Variants in ASTN2 observed in about 807,000 individuals in gnomAD.
ASTN2 encodes the protein astrotactin 2.
Under a neutral mutation model 139.8 loss-of-function variants are expected in ASTN2, and 54 were observed. The observed-to-expected ratio is 0.39, with a 90% CI of 0.31 to 0.48. ASTN2 has a LOEUF of 0.48. Among genes scored for constraint, ASTN2 ranks in the 20% least tolerant of loss-of-function variants. The pLI is 0.95. For synonymous variants in ASTN2, 756 were observed against 719.5 expected, an observed-to-expected ratio of 1.05 and a Z score of -0.81; for missense variants, 1,565 against 1,725.1, an observed-to-expected ratio of 0.91 and a Z score of 1.64.
intron 16 of ASTN2, among the ~76,000 whole-genome samples, chr9:116,715,698 C>G (rs1035731874): frequency 6.6e-6 from 1 of 152,194 alleles, no homozygotes; most frequent in Non-Finnish European, 1.5e-5. Flanking sequence ...ACCTATTAGT[C>G]TTTCCCATTT....
At chr9:116,593,986 A>ACCTACC (rs1854471977) in intron 19 of ASTN2, among the ~76,000 whole-genome samples, 1 of 152,106 alleles carries the variant, frequency 6.6e-6, no homozygotes, top group South Asian at 2.1e-4. Flanking sequence ...CTGCCCCAAG[A>ACCTACC]CCTACCTCCT....
chr9:117,268,056 A>G (rs909993864), intron 2 of ASTN2, among the ~76,000 whole-genome samples: 5 of 152,188 alleles, frequency 3.3e-5, no homozygotes, highest in African/African-American at 1.2e-4. Flanking sequence ...AAAGCACTGG[A>G]ATAGATTATA....
chr9:116,596,201 T>A (rs1213482100), intron 19 of ASTN2, among the ~76,000 whole-genome samples: 1 of 152,146 alleles, frequency 6.6e-6, no homozygotes, highest in East Asian at 1.9e-4. Context: ...ACTGCCTAAT[T>A]CCACTTATAT....
intron 1 of ASTN2, among the ~76,000 whole-genome samples, chr9:117,331,351 C>A (rs542971083): frequency 6.6e-6 from 1 of 152,244 alleles, no homozygotes; most frequent in Non-Finnish European, 1.5e-5. Context: ...ACCCAGAAAC[C>A]AACACAGAGG....
chr9:117,256,377 C>T (rs578075477), intron 2 of ASTN2, among the ~76,000 whole-genome samples: 2 of 152,276 alleles, frequency 1.3e-5, no homozygotes, highest in South Asian at 2.1e-4. Context: ...AATAAAGGGA[C>T]CTAGTGTTTA....
intron 6 of ASTN2, among the ~76,000 whole-genome samples, chr9:117,023,302 C>T (rs1837946581): frequency 1.3e-5 from 2 of 152,114 alleles, no homozygotes. Flanking sequence ...CCCAGTCTGC[C>T]CCAACCACAT....
intron 19 of ASTN2, among the ~76,000 whole-genome samples, chr9:116,567,056 C>A (rs1314834907): frequency 6.6e-6 from 1 of 152,180 alleles, no homozygotes; most frequent in Non-Finnish European, 1.5e-5. Context: ...ATGAAGGAAC[C>A]AAGGCTGAGA....
chr9:116,678,739 T>C (rs1349476662), intron 16 of ASTN2, among the ~76,000 whole-genome samples: 1 of 152,176 alleles, frequency 6.6e-6, no homozygotes, highest in Non-Finnish European at 1.5e-5. Context: ...ATCATACTCA[T>C]GTGGGGCCAG....
Position 117,008,128 on chromosome 9 carries a change from T to C in ASTN2, c.1555A>G (p.Thr519Ala). Residue 519 changes from threonine to alanine, a missense_variant, in exon 7 of 23, where the codon ACA becomes GCA. Physicochemically the swap from Thr to Ala is moderately conservative, Grantham distance 58. Coordinates refer to ENST00000313400, the MANE Select transcript of ASTN2 (RefSeq NM_001365068.1). ...WVRDLCGQRTTDACEQLCDPE... is the reference protein window; with the variant it reads ...WVRDLCGQRTADACEQLCDPE... ...TCGCAGAGCTGCTCACAGGCATCTG[T>C]CGTCCTTTGTCCACAGAGGTCCCTC... The C allele has an allele frequency of 6.2e-7, 1 of 1,608,816 alleles. No homozygotes were observed.
chr9:116,601,053 T>C (rs1048692314), intron 19 of ASTN2, among the ~76,000 whole-genome samples: 3 of 152,200 alleles, frequency 2.0e-5, no homozygotes, highest in African/African-American at 7.2e-5. Context: ...CCAACCAAAA[T>C]ATATTGAGAA....
chr9:116,860,868 G>A lies in ASTN2; in HGVS notation c.2040+2715C>T, dbSNP rs116351036. 3.2e-3 allele frequency among the ~76,000 whole-genome samples: 480 copies of A among 152,306 alleles called. 1 individual carries two copies. The highest frequency in any genetic ancestry group is 0.011 in the African/African-American group (469 of 41,564). On this transcript the variant is annotated intron_variant, in intron 11 of 22. Coordinates refer to ENST00000313400, the MANE Select transcript of ASTN2 (RefSeq NM_001365068.1). ...TTCTAAAAATATAAGGAATTATCAT[G>A]TAATACCTGAAGGAATGTCTTAGAA...
At chr9:116,771,556 G>C (rs1829954048) in intron 13 of ASTN2, among the ~76,000 whole-genome samples, 1 of 152,114 alleles carries the variant, frequency 6.6e-6, no homozygotes, top group African/African-American at 2.4e-5. Context: ...CTCAGAATCT[G>C]GCACATAGTA....
At chr9:117,224,049 A>G (rs1215694511) in intron 2 of ASTN2, among the ~76,000 whole-genome samples, 1 of 152,234 alleles carries the variant, frequency 6.6e-6, no homozygotes, top group Non-Finnish European at 1.5e-5. Context: ...TCAGATTAGA[A>G]CAGGGTCAAA....
At chr9:117,255,584 G>A (rs1239119200) in intron 2 of ASTN2, among the ~76,000 whole-genome samples, 1 of 152,200 alleles carries the variant, frequency 6.6e-6, no homozygotes, top group Admixed American at 6.5e-5. Context: ...GGTGGTTTCT[G>A]AGATGAATCT....
chr9:116,809,920 G>A (rs537077414), intron 12 of ASTN2, among the ~76,000 whole-genome samples: 8 of 152,158 alleles, frequency 5.3e-5, no homozygotes, highest in Admixed American at 1.3e-4. Flanking sequence ...ATGCTGACAT[G>A]ATTCAAGTCA....
At chr9:116,753,505 C>T (rs1205507821) in intron 13 of ASTN2, among the ~76,000 whole-genome samples, 1 of 151,994 alleles carries the variant, frequency 6.6e-6, no homozygotes, top group Non-Finnish European at 1.5e-5. Flanking sequence ...AAATTGGGGA[C>T]GTTAGCAACT....
chr9:116,819,497 A>G (rs1285409096), intron 12 of ASTN2, among the ~76,000 whole-genome samples: 1 of 152,162 alleles, frequency 6.6e-6, no homozygotes, highest in African/African-American at 2.4e-5. Flanking sequence ...ACCTTGAAAT[A>G]AGCCCTGGAA....
At chr9:116,512,162 C>A (rs532742723) in intron 19 of ASTN2, among the ~76,000 whole-genome samples, 1 of 152,334 alleles carries the variant, frequency 6.6e-6, no homozygotes, top group East Asian at 1.9e-4. Context: ...CTCCCTCACA[C>A]ACTGCTTTAA....
At chr9:116,652,071 C>A (rs1301472424) in intron 16 of ASTN2, among the ~76,000 whole-genome samples, 1 of 152,138 alleles carries the variant, frequency 6.6e-6, no homozygotes, top group East Asian at 1.9e-4. Flanking sequence ...GCACAATAAT[C>A]CCAGCACTTT....
Sources: allele counts gnomAD v4.1 joint callset (sites outside exome capture counted in the v4.1 genomes callset), GRCh38; gene constraint gnomAD v4.1.1; transcripts MANE v1.5; gene names NCBI Gene and HGNC (gene_info 2026-07-23, HGNC 2026-07-21).